CDH4: variants seen among roughly 807,000 people sequenced by gnomAD.
CDH4 encodes cadherin 4.
CDH4 carries 33 observed loss-of-function variants against 86.0 expected under a neutral mutation model. That is an observed-to-expected ratio of 0.38 (90% CI 0.29 to 0.51). The LOEUF (loss-of-function observed/expected upper bound fraction) is 0.51, where lower values mean the gene tolerates loss of function less well. Ranked by LOEUF, CDH4 falls within the 20% of genes least tolerant of loss-of-function variation. The probability of loss-of-function intolerance (pLI) is 0.86; values close to 1 mark genes in which losing one functional copy is unlikely to be tolerated. For missense variants in CDH4, 1,114 were observed against 1,307.4 expected (o/e 0.85, Z 2.28); for synonymous variants, 555 against 549.4 (o/e 1.01, Z -0.14).
In CDH4 at chr20:61,909,071, G is replaced by A. The variant is rs78193323; in HGVS notation, c.1189-1351G>A. Among the ~76,000 whole-genome samples the A allele has an allele frequency of 9.2e-3, 1,408 of 152,320 alleles. 15 individuals carry two copies. Among genetic ancestry groups the A allele is most frequent in the South Asian group, 0.042 (201 of 4,828 alleles). ...ACAGTCACACTCTGAGGCCTTGGGG[G>A]TTTAGGGCTTCCACACAGAAACTCC... On this transcript the variant is annotated intron_variant, in intron 8 of 15. Coordinates refer to ENST00000614565, the MANE Select transcript of CDH4 (RefSeq NM_001794.5).
chr20:61,851,667 C>T (rs1040350661), intron 5 of CDH4, among the ~76,000 whole-genome samples: 2 of 152,196 alleles, frequency 1.3e-5, no homozygotes, highest in Admixed American at 6.5e-5. Context: ...GGTGGAGAGG[C>T]CTCGGATGTG....
intron 2 of CDH4, among the ~76,000 whole-genome samples, chr20:61,678,756 T>C (rs1428904085): frequency 2.0e-5 from 3 of 152,188 alleles, no homozygotes; most frequent in Non-Finnish European, 2.9e-5. Context: ...GTCCAGTGGC[T>C]TGAGGAAGCC....
intron 2 of CDH4, among the ~76,000 whole-genome samples, chr20:61,675,868 A>G (rs879374098): frequency 5.3e-5 from 8 of 152,238 alleles, no homozygotes; most frequent in Non-Finnish European, 1.0e-4. Context: ...CCGTGCTTTC[A>G]GAGTTTGAGG....
intron 2 of CDH4, among the ~76,000 whole-genome samples, chr20:61,632,850 A>ACCCTCCCC (rs2086905990): frequency 1.7e-4 from 9 of 54,252 alleles, no homozygotes; most frequent in East Asian, 8.0e-4. Context: ...CCACCCTCCC[A>ACCCTCCCC]CCCTCCCACC....
At chr20:61,312,663 C>T (rs1253392696) in intron 2 of CDH4, among the ~76,000 whole-genome samples, 1 of 152,202 alleles carries the variant, frequency 6.6e-6, no homozygotes. Flanking sequence ...TCTCTGATGG[C>T]TTGGCCAGCG....
At position 61,515,891 on chromosome 20, in the gene CDH4, G is replaced by A. The variant is rs763858934; in HGVS notation, c.170-227672G>A. ...TTTGCTCGCTCGCTCTCTGTTTCCC[G>A]CGTGGCTTGCCCAGTTCCCCTGGAG... On this transcript the variant is annotated intron_variant, in intron 2 of 15. Coordinates refer to ENST00000614565, the MANE Select transcript of CDH4 (RefSeq NM_001794.5). Among the ~76,000 whole-genome samples, 22 of 152,068 alleles carry A rather than the reference G, an allele frequency of 1.4e-4. No homozygotes were observed. In the East Asian group the frequency reaches 3.3e-3, roughly 23 times the overall value.
At chr20:61,381,410 G>A (rs1054855177) in intron 2 of CDH4, among the ~76,000 whole-genome samples, 3 of 152,190 alleles carry the variant, frequency 2.0e-5, no homozygotes, top group Non-Finnish European at 4.4e-5. Context: ...GAAATAATTA[G>A]TTCATTGCAC....
intron 2 of CDH4, among the ~76,000 whole-genome samples, chr20:61,275,070 G>C (rs1162447235): frequency 1.6e-5 from 2 of 127,146 alleles, no homozygotes; most frequent in African/African-American, 6.2e-5. Context: ...GCAGTTTGGG[G>C]GAGTACCATG....
intron 7 of CDH4, among the ~76,000 whole-genome samples, chr20:61,886,599 G>A (rs1436540668): frequency 3.3e-5 from 5 of 152,216 alleles, no homozygotes; most frequent in East Asian, 3.9e-4. Flanking sequence ...GAGGGTTGAC[G>A]TGGGGAGCAG....
intron 2 of CDH4, among the ~76,000 whole-genome samples, chr20:61,410,040 G>A (rs1432065562): frequency 6.6e-6 from 1 of 152,240 alleles, no homozygotes; most frequent in Non-Finnish European, 1.5e-5. Flanking sequence ...GCAGAGCGGG[G>A]ATCTGAACCA....
chr20:61,667,460 G>A lies in CDH4; in HGVS notation c.170-76103G>A, dbSNP rs77463692. On this transcript the variant is annotated intron_variant, in intron 2 of 15. Coordinates refer to ENST00000614565, the MANE Select transcript of CDH4 (RefSeq NM_001794.5). ...GTCACAGAGCCAGAAAGTGACTTGG[G>A]ACTCAAAGGCGGATCTTTCCGCTTT... Among the ~76,000 whole-genome samples, 1,250 of 152,364 alleles carry A rather than the reference G, an allele frequency of 8.2e-3. 7 individuals carry two copies. Among genetic ancestry groups the A allele is most frequent in the Non-Finnish European group, 0.011 (748 of 68,034 alleles).
chr20:61,926,731 G>A (rs1200043377), intron 11 of CDH4, among the ~76,000 whole-genome samples: 1 of 152,192 alleles, frequency 6.6e-6, no homozygotes, highest in Non-Finnish European at 1.5e-5. Flanking sequence ...AAATTAGCTA[G>A]GCATGGTGGT....
At position 61,899,162 on chromosome 20, in the gene CDH4, G is replaced by A. The variant is rs969648167; in HGVS notation, c.1188+4115G>A. The stretch of plus-strand genomic sequence containing the variant: ...TATATATTTTAAAAAAAAATTAGCC[G>A]GGTGTGGTGGTGCGCACCTGTAATC... On this transcript the variant is annotated intron_variant, in intron 8 of 15. Coordinates refer to ENST00000614565, the MANE Select transcript of CDH4 (RefSeq NM_001794.5). Among the ~76,000 whole-genome samples the A allele has an allele frequency of 1.2e-4, 18 of 151,974 alleles. 1 individual carries two copies. The highest frequency in any genetic ancestry group is 4.2e-4 in the South Asian group (2 of 4,788).
chr20:61,662,430 C>T (rs960362720), intron 2 of CDH4, among the ~76,000 whole-genome samples: 18 of 152,334 alleles, frequency 1.2e-4, no homozygotes, highest in African/African-American at 1.7e-4. Flanking sequence ...GCTCCGTGCG[C>T]GGCTTCACCA....
chr20:61,273,252 T>G (rs1228046860), intron 2 of CDH4, among the ~76,000 whole-genome samples: 1 of 124,838 alleles, frequency 8.0e-6, no homozygotes, highest in Non-Finnish European at 1.6e-5. Context: ...AGTGTGCAGT[T>G]TAGGGGAGTA....
rs1402813859 is a variant in CDH4, at chr20:61,681,974, C to A, written c.170-61589C>A. 9.9e-5 allele frequency among the ~76,000 whole-genome samples: 15 copies of A among 152,242 alleles called. No homozygotes were observed. The highest frequency in any genetic ancestry group is 9.8e-4 in the Admixed American group (15 of 15,284). On this transcript the variant is annotated intron_variant, in intron 2 of 15. Transcript: ENST00000614565. This position sits in a 1 kb window ranked among gnomAD's most constrained non-coding sequence, Gnocchi z 4.5. Reference sequence around the variant, plus strand: ...TCTGGGTTGTCATTGCAGAAGGAAGCCCAGTGGGTTTCAGCTGCTAGTGGA... The same window carrying A: ...TCTGGGTTGTCATTGCAGAAGGAAGACCAGTGGGTTTCAGCTGCTAGTGGA...
intron 4 of CDH4, among the ~76,000 whole-genome samples, chr20:61,837,378 C>T (rs986522375): frequency 5.9e-5 from 9 of 152,156 alleles, no homozygotes; most frequent in African/African-American, 1.9e-4. Context: ...TCAGAGGCTA[C>T]TTAGGCCAGC....
intron 2 of CDH4, among the ~76,000 whole-genome samples, chr20:61,670,574 A>G (rs2087375563): frequency 6.6e-6 from 1 of 152,242 alleles, no homozygotes; most frequent in Non-Finnish European, 1.5e-5. Flanking sequence ...AGAGGAGGGA[A>G]ACATCCAAAG....
intron 2 of CDH4, among the ~76,000 whole-genome samples, chr20:61,712,692 G>A (rs1023903177): frequency 6.6e-6 from 1 of 152,234 alleles, no homozygotes; most frequent in African/African-American, 2.4e-5. Context: ...CAAAGTCAGG[G>A]TATGAGTGCC....
Sources: gnomAD v4.1 joint callset for allele counts (sites outside exome capture counted in the v4.1 genomes callset) on GRCh38, gnomAD v4.1.1 for gene constraint, Gnocchi (gnomAD v3.1) non-coding constraint, MANE v1.5 for transcripts, NCBI Gene and HGNC (gene_info 2026-07-23, HGNC 2026-07-21) for gene names.